KIF26B: variants seen among roughly 807,000 people sequenced by gnomAD.
KIF26B encodes kinesin family member 26B.
In KIF26B, 63 loss-of-function variants were observed where a neutral mutation model predicts 151.2. That is an observed-to-expected ratio of 0.42 (90% CI 0.34 to 0.51). KIF26B has a LOEUF of 0.51. KIF26B is among the 20% of genes least tolerant of loss of function. KIF26B has a pLI of 0.07. For missense variants in KIF26B, 2,813 were observed against 2,913.6 expected, an observed-to-expected ratio of 0.97 and a Z score of 0.79; for synonymous variants, 1,357 against 1,262.1, an observed-to-expected ratio of 1.08 and a Z score of -1.59.
intron 4 of KIF26B, among the ~76,000 whole-genome samples, chr1:245,480,097 C>G (rs1482610388): frequency 7.1e-6 from 1 of 140,794 alleles, no homozygotes; most frequent in African/African-American, 2.6e-5. Context: ...GACCCTGTCT[C>G]TCCAAACAAA....
rs547404149 is a variant in KIF26B at position 245,704,859 on chromosome 1, T to C, written c.*2253T>C. 3 of 130,660 alleles carry C rather than the reference T, an allele frequency of 2.3e-5. No individual in the cohort carries two copies. Among genetic ancestry groups the C allele is most frequent in the African/African-American group, 6.3e-5 (2 of 31,844 alleles). The allele number at this position is 130,660 out of a possible 1,614,324, so 8.1% of individuals were successfully genotyped here. A position where few individuals can be genotyped will look rare whatever the true frequency, so the allele number is the denominator to read the frequency against. ...TTGCTGGTTTCAAACATATAGTTCA[T>C]GAAAAGTCTTTAATTGGAGATTTTC... is the stretch of plus-strand genomic sequence containing the variant. On this transcript the variant is annotated 3_prime_UTR_variant, in exon 15 of 15. Transcript: ENST00000407071.
chr1:245,556,106 G>T (rs776854248), intron 5 of KIF26B, among the ~76,000 whole-genome samples: 3 of 152,188 alleles, frequency 2.0e-5, no homozygotes, highest in Admixed American at 2.0e-4. Context: ...ACAGTCTTAC[G>T]TCTGCCTGGC....
intron 4 of KIF26B, among the ~76,000 whole-genome samples, chr1:245,435,358 C>T (rs1440883170): frequency 6.6e-6 from 1 of 152,176 alleles, no homozygotes; most frequent in Non-Finnish European, 1.5e-5. Context: ...ATTCATAAAG[C>T]CATCCAGTAT....
intron 2 of KIF26B, among the ~76,000 whole-genome samples, chr1:245,346,947 T>G (rs1160975535): frequency 6.6e-6 from 1 of 152,204 alleles, no homozygotes; most frequent in Non-Finnish European, 1.5e-5. Flanking sequence ...ATCATTACCT[T>G]GCTTTACTAT....
chr1:245,510,960 T>A, intron 4 of KIF26B: 1 of 636,244 alleles, frequency 1.6e-6, no homozygotes, highest in Non-Finnish European at 2.9e-6. Context: ...ATTTTAGAAT[T>A]TTCCAGCCTT....
At chr1:245,475,741 G>A (rs751154484) in intron 4 of KIF26B, among the ~76,000 whole-genome samples, 22 of 151,766 alleles carry the variant, frequency 1.4e-4, no homozygotes, top group Non-Finnish European at 2.8e-4. Context: ...AAGACAGATC[G>A]TGCATTGGGG....
At chr1:245,396,861 G>A (rs777254881) in intron 3 of KIF26B, among the ~76,000 whole-genome samples, 18 of 151,704 alleles carry the variant, frequency 1.2e-4, no homozygotes, top group Admixed American at 2.6e-4. Flanking sequence ...AATACATGAT[G>A]TTTCCCTATG....
intron 9 of KIF26B, among the ~76,000 whole-genome samples, chr1:245,619,559 T>C (rs1273737082): frequency 2.9e-5 from 4 of 135,838 alleles, no homozygotes; most frequent in Non-Finnish European, 6.1e-5. Flanking sequence ...TGAGCCGAGA[T>C]GGCGCCACTG....
chr1:245,686,329 A>G lies in KIF26B; in HGVS notation c.3346A>G (p.Arg1116Gly), dbSNP rs776507127. The part of the protein sequence containing the change: ...PSSKDSGVAS[R>G]ESLLQPEVRT... ...GAGCAAGGATTCCGGCGTGGCGTCT[A>G]GGGAGTCCTTGCTGCAGCCCGAGGT... The change falls in exon 12 of 15, where the codon AGG (arginine) becomes GGG (glycine). Residue 1116 changes from arginine (R) to glycine (G), a missense_variant. This residue lies in a region of KIF26B where 2,060 missense variants were observed against 2,088.6 expected (regional missense o/e 0.99). Coordinates refer to ENST00000407071, the MANE Select transcript of KIF26B (RefSeq NM_018012.4). The surrounding 1 kb of genome is among the most constrained non-coding windows in gnomAD (Gnocchi z 5.6). 32 of 1,613,062 alleles carry G rather than the reference A, an allele frequency of 2.0e-5. No individual in the cohort carries two copies. The highest frequency in any genetic ancestry group is 2.5e-5 in the Non-Finnish European group (30 of 1,179,838).
chr1:245,631,932 T>A (rs2043785281), intron 9 of KIF26B, among the ~76,000 whole-genome samples: 1 of 152,164 alleles, frequency 6.6e-6, no homozygotes, highest in African/African-American at 2.4e-5. Flanking sequence ...TTTTTTAAAA[T>A]TTGGATCTTT....
chr1:245,335,624 C>T (rs546529480), intron 2 of KIF26B, among the ~76,000 whole-genome samples: 2 of 148,524 alleles, frequency 1.3e-5, no homozygotes, highest in South Asian at 2.2e-4. Flanking sequence ...GAGAGTCCCA[C>T]GAGGGGAAAG....
chr1:245,284,704 C>G (rs1391273060), intron 2 of KIF26B, among the ~76,000 whole-genome samples: 1 of 152,096 alleles, frequency 6.6e-6, no homozygotes, highest in African/African-American at 2.4e-5. Flanking sequence ...ATCTTTTGCC[C>G]TAATGTGGTG....
intron 2 of KIF26B, among the ~76,000 whole-genome samples, chr1:245,252,181 T>G (rs546498893): frequency 1.3e-5 from 2 of 148,532 alleles, no homozygotes; most frequent in African/African-American, 5.0e-5. Context: ...GAGGCTGAGG[T>G]GGGAGAATCA....
rs1020162867 is a variant in KIF26B at position 245,167,557 on chromosome 1, C to T, written c.465+10874C>T. Among the ~76,000 whole-genome samples, 4 of 152,126 alleles carry T rather than the reference C, an allele frequency of 2.6e-5. No individual in the cohort carries two copies. Among genetic ancestry groups the T allele is most frequent in the African/African-American group, 9.7e-5 (4 of 41,418 alleles). ...GACTCACCTATTAACTGATTAGAAGCCAGCAATAACAACCAGCACCAAAAG... is the reference window on the plus strand; with the variant it reads ...GACTCACCTATTAACTGATTAGAAGTCAGCAATAACAACCAGCACCAAAAG... On this transcript the variant is annotated intron_variant, in intron 2 of 14. Transcript: ENST00000407071. The surrounding 1 kb of genome is among the most constrained non-coding windows in gnomAD (Gnocchi z 4.2).
intron 4 of KIF26B, among the ~76,000 whole-genome samples, chr1:245,430,477 C>A (rs1038709881): frequency 4.6e-5 from 7 of 151,930 alleles, no homozygotes; most frequent in African/African-American, 1.5e-4. Context: ...CCAGCCTGGG[C>A]AACATAGCAA....
chr1:245,699,786 T>C (rs1410591808), intron 14 of KIF26B, among the ~76,000 whole-genome samples: 1 of 152,164 alleles, frequency 6.6e-6, no homozygotes, highest in Non-Finnish European at 1.5e-5. Context: ...GCCCTCAGCC[T>C]CCGGCAGGCC....
At chr1:245,672,423 T>C (rs989462072) in intron 10 of KIF26B, among the ~76,000 whole-genome samples, 2 of 152,086 alleles carry the variant, frequency 1.3e-5, no homozygotes, top group African/African-American at 4.8e-5. Flanking sequence ...AACAAATGCA[T>C]CCTCCCAAAC....
rs566296681 is a variant in KIF26B at position 245,227,413 on chromosome 1, G to A, written c.465+70730G>A. 6.6e-6 allele frequency among the ~76,000 whole-genome samples: 1 copy of A among 152,342 alleles called. No homozygotes were observed. Among genetic ancestry groups the A allele is most frequent in the Admixed American group, 6.5e-5 (1 of 15,302 alleles). On this transcript the variant is annotated intron_variant, in intron 2 of 14. Transcript: ENST00000407071. The surrounding 1 kb of genome is among the most constrained non-coding windows in gnomAD (Gnocchi z 4.1). ...AACCCACTGGCACCTCTGCATCTGG[G>A]CCTAAGGCTGCGGCCTCCGTCCTCT...
intron 9 of KIF26B, among the ~76,000 whole-genome samples, chr1:245,613,973 CT>C (rs1194796768): frequency 2.0e-5 from 3 of 152,210 alleles, no homozygotes; most frequent in African/African-American, 7.2e-5. Flanking sequence ...CCTCTAGCCC[CT>C]GGCAACCACG....
Sources: allele counts gnomAD v4.1 joint callset (sites outside exome capture counted in the v4.1 genomes callset), GRCh38; gene constraint gnomAD v4.1.1; regional missense constraint gnomAD v4.1.1; non-coding constraint Gnocchi (gnomAD v3.1); transcripts MANE v1.5; gene names NCBI Gene and HGNC (gene_info 2026-07-23, HGNC 2026-07-21).